The following NRG1 variants were observed in gnomAD, a reference collection of about 807,000 sequenced individuals.
NRG1 encodes pro-neuregulin-1, membrane-bound isoform.
Under a neutral mutation model 63.8 loss-of-function variants are expected in NRG1, and 18 were observed. The ratio of observed to expected loss-of-function variants is 0.28; its 90% confidence interval spans 0.19 to 0.42. The LOEUF (loss-of-function observed/expected upper bound fraction) is 0.42, where lower values mean the gene tolerates loss of function less well. Among genes scored for constraint, NRG1 ranks in the 10% least tolerant of loss-of-function variants. The pLI is 1.00. For missense variants in NRG1, 762 were observed against 814.7 expected, an observed-to-expected ratio of 0.94 and a Z score of 0.79; for synonymous variants, 302 against 301.3, an observed-to-expected ratio of 1.00 and a Z score of -0.02.
chr8:32,426,282 A>G (rs1476364960), intron 1 of NRG1, among the ~76,000 whole-genome samples: 2 of 152,172 alleles, frequency 1.3e-5, no homozygotes, highest in East Asian at 3.9e-4. Flanking sequence ...TGAACTACAG[A>G]ACTGAAACAT....
intron 1 of NRG1, among the ~76,000 whole-genome samples, chr8:32,248,371 T>G (rs1848786039): frequency 6.6e-6 from 1 of 152,070 alleles, no homozygotes. Context: ...CCATGCATAT[T>G]ATTTACAGCA....
rs1814387702 is a variant in NRG1, at chr8:31,733,975, ACT to A, written c.37+94547_37+94548del. ...GATCTGCAAGATCTTACACAATGCT[ACT>A]CTAATATTTCCTCTGTCTCCAGCTG... On this transcript the variant is annotated intron_variant, in intron 1 of 10. Coordinates refer to the NRG1 transcript ENST00000519301. 2.0e-5 allele frequency among the ~76,000 whole-genome samples: 3 copies of A among 151,934 alleles called. No individual in the cohort carries two copies. In the South Asian group the frequency reaches 6.2e-4, roughly 32 times the overall value.
At chr8:32,464,604 G>A (rs1405998780) in intron 1 of NRG1, among the ~76,000 whole-genome samples, 4 of 152,036 alleles carry the variant, frequency 2.6e-5, no homozygotes, top group African/African-American at 9.7e-5. Context: ...TTCTGAAGGG[G>A]TTCTGTCACT....
At chr8:31,697,078 G>A (rs529277169) in intron 1 of NRG1, among the ~76,000 whole-genome samples, 35 of 152,232 alleles carry the variant, frequency 2.3e-4, no homozygotes, top group African/African-American at 7.9e-4. Context: ...CCAAATCTGT[G>A]AAGTTTTCTT....
chr8:31,753,667 C>A (rs1432462320), intron 1 of NRG1, among the ~76,000 whole-genome samples: 1 of 152,038 alleles, frequency 6.6e-6, no homozygotes, highest in Non-Finnish European at 1.5e-5. Context: ...TCCAAACAAT[C>A]ACTCTCATAA....
At chr8:31,740,645 G>A (rs771953323) in intron 1 of NRG1, among the ~76,000 whole-genome samples, 7 of 151,656 alleles carry the variant, frequency 4.6e-5, no homozygotes, top group East Asian at 1.9e-4. Flanking sequence ...GGAATTCGAT[G>A]TGTGTGTATG....
intron 1 of NRG1, among the ~76,000 whole-genome samples, chr8:32,309,684 C>A (rs945719595): frequency 1.3e-5 from 2 of 152,132 alleles, no homozygotes; most frequent in African/African-American, 4.8e-5. Context: ...TGGACTTCCT[C>A]CCTTGTGCAT....
chr8:32,453,770 C>T (rs998735141), intron 1 of NRG1, among the ~76,000 whole-genome samples: 1 of 152,192 alleles, frequency 6.6e-6, no homozygotes, highest in Non-Finnish European at 1.5e-5. Context: ...TTTATAATAA[C>T]TGAAGAAACC....
intron 1 of NRG1, among the ~76,000 whole-genome samples, chr8:32,435,661 A>G (rs1465175244): frequency 1.3e-5 from 2 of 152,200 alleles, no homozygotes; most frequent in African/African-American, 4.8e-5. Flanking sequence ...TAAGTAAAGA[A>G]GTCTCTGTCC....
At chr8:31,928,228 C>A (rs1288831463) in intron 1 of NRG1, among the ~76,000 whole-genome samples, 1 of 151,542 alleles carries the variant, frequency 6.6e-6, no homozygotes, top group African/African-American at 2.4e-5. Flanking sequence ...CTTGAAAGTG[C>A]TGTTGGCCAT....
chr8:32,596,141 T>C lies in NRG1; in HGVS notation c.278+136T>C, dbSNP rs1843320823. 3 of 683,762 alleles carry C rather than the reference T, an allele frequency of 4.4e-6. No individual in the cohort carries two copies. The East Asian group carries it at 8.8e-5, about 20-fold the overall frequency. 42.4% of individuals were successfully genotyped at this position (683,762 alleles called of 1,614,324 possible). On this transcript the variant is annotated intron_variant, in intron 2 of 11. Transcript: ENST00000356819. ...AGTGAAAAGCTGTTTCATTATATAA[T>C]GACAAAAAATCATGTTATCACATAG...
intron 1 of NRG1, among the ~76,000 whole-genome samples, chr8:31,890,001 C>T (rs1286931762): frequency 6.6e-6 from 1 of 152,110 alleles, no homozygotes; most frequent in Non-Finnish European, 1.5e-5. Context: ...ATTTCACAAC[C>T]TCTGCACTAT....
At chr8:32,289,396 G>A (rs375362746) in intron 1 of NRG1, among the ~76,000 whole-genome samples, 1 of 151,670 alleles carries the variant, frequency 6.6e-6, no homozygotes, top group East Asian at 1.9e-4. Context: ...GAGCTCACAA[G>A]GTTATTGTCA....
chr8:32,106,590 G>A (rs974679501), intron 1 of NRG1, among the ~76,000 whole-genome samples: 4 of 152,200 alleles, frequency 2.6e-5, no homozygotes, highest in Non-Finnish European at 5.9e-5. Context: ...GTGTTGTCCT[G>A]CCTTCTTCAG....
intron 1 of NRG1, among the ~76,000 whole-genome samples, chr8:32,064,550 A>G (rs1824427105): frequency 1.3e-5 from 2 of 152,146 alleles, no homozygotes; most frequent in African/African-American, 4.8e-5. Flanking sequence ...ATCCAACCTC[A>G]TAGATTTTCA....
chr8:32,657,590 G>A (rs996043992), intron 5 of NRG1, among the ~76,000 whole-genome samples: 2 of 152,146 alleles, frequency 1.3e-5, no homozygotes, highest in African/African-American at 4.8e-5. Context: ...CTAAGTAACA[G>A]GAAGTAATTG....
intron 1 of NRG1, among the ~76,000 whole-genome samples, chr8:32,376,840 C>T (rs1210601596): frequency 1.3e-5 from 2 of 152,176 alleles, no homozygotes; most frequent in African/African-American, 4.8e-5. Flanking sequence ...CTGAGTAGAA[C>T]TCTGCCACTT....
chr8:32,751,967 G>A (rs953273587), intron 7 of NRG1, among the ~76,000 whole-genome samples: 2 of 152,146 alleles, frequency 1.3e-5, no homozygotes, highest in African/African-American at 4.8e-5. Flanking sequence ...CATTTTTGAA[G>A]TCTGCAGAAG....
chr8:32,086,859 C>G (rs1229520072), intron 1 of NRG1, among the ~76,000 whole-genome samples: 1 of 152,154 alleles, frequency 6.6e-6, no homozygotes, highest in Non-Finnish European at 1.5e-5. Flanking sequence ...ATGAGTCAGT[C>G]TTCTTGAAGT....
Sources: gnomAD v4.1 joint callset for allele counts (sites outside exome capture counted in the v4.1 genomes callset) on GRCh38, gnomAD v4.1.1 for gene constraint, MANE v1.5 for transcripts, NCBI Gene and HGNC (gene_info 2026-07-23, HGNC 2026-07-21) for gene names.